The following PGCKA1 variants were observed in gnomAD, a reference collection of about 807,000 sequenced individuals.
The protein encoded by PGCKA1 is PDCD10 and GCKIII kinases-associated protein 1.
the PGCKA1 span, among the ~76,000 whole-genome samples, chr4:37,566,559 G>A: frequency 6.6e-6 from 1 of 151,402 alleles, no homozygotes; most frequent in African/African-American, 2.4e-5. Flanking sequence ...GGGCTTATAG[G>A]CACCCAAAAT....
At chr4:37,516,638 T>G in the PGCKA1 span, among the ~76,000 whole-genome samples, 1 of 152,192 alleles carries the variant, frequency 6.6e-6, no homozygotes, top group Non-Finnish European at 1.5e-5. Flanking sequence ...CTCAAATAGC[T>G]TTCTCTTGAC....
At chr4:37,511,707 G>C in the PGCKA1 span, among the ~76,000 whole-genome samples, 1 of 152,182 alleles carries the variant, frequency 6.6e-6, no homozygotes, top group African/African-American at 2.4e-5. Context: ...AGCCACCCTG[G>C]CTAGTGTCTA....
At chr4:37,528,559 G>A in the PGCKA1 span, among the ~76,000 whole-genome samples, 1 of 152,156 alleles carries the variant, frequency 6.6e-6, no homozygotes, top group Non-Finnish European at 1.5e-5. Context: ...TAAGTCTGAT[G>A]AGGACAAACG....
chr4:37,518,450 T>G, the PGCKA1 span, among the ~76,000 whole-genome samples: 86,131 of 152,026 alleles, frequency 0.57, 25,188 homozygotes, highest in African/African-American at 0.69. Flanking sequence ...CCTGTCTTTT[T>G]TATACAAGCC....
At chr4:37,505,165 C>T in the PGCKA1 span, among the ~76,000 whole-genome samples, 1 of 152,128 alleles carries the variant, frequency 6.6e-6, no homozygotes. Context: ...TTTTTGGCAC[C>T]AATTGAAATG....
the PGCKA1 span, among the ~76,000 whole-genome samples, chr4:37,526,504 C>T: frequency 2.6e-5 from 4 of 152,116 alleles, no homozygotes; most frequent in Non-Finnish European, 4.4e-5. Flanking sequence ...CAGCTTTGTT[C>T]TAACAATTAT....
At chr4:37,582,629 G>A in the PGCKA1 span, among the ~76,000 whole-genome samples, 2 of 152,208 alleles carry the variant, frequency 1.3e-5, no homozygotes, top group Admixed American at 6.5e-5. Context: ...ACTATCCCTC[G>A]TTGTTTCAAC....
chr4:37,525,553 C>T, the PGCKA1 span, among the ~76,000 whole-genome samples: 867 of 152,310 alleles, frequency 5.7e-3, 6 homozygotes, highest in Middle Eastern at 0.01. Flanking sequence ...TGTAAACATT[C>T]ATGAAGTCTC....
chr4:37,508,693 G>GTTTTTTTTTTTTTTTT, the PGCKA1 span, among the ~76,000 whole-genome samples: 123 of 52,840 alleles, frequency 2.3e-3, no homozygotes, highest in East Asian at 5.3e-3. Context: ...CTTTTTTTTA[G>GTTTTTTTTTTTTTTTT]TATTTATTGA....
chr4:37,500,071 C>T, the PGCKA1 span, among the ~76,000 whole-genome samples: 2 of 151,784 alleles, frequency 1.3e-5, no homozygotes, highest in African/African-American at 4.8e-5. Context: ...TATAGGCGCC[C>T]GCCACCATGC....
the PGCKA1 span, among the ~76,000 whole-genome samples, chr4:37,563,208 G>T: frequency 2.0e-5 from 3 of 152,086 alleles, no homozygotes; most frequent in Non-Finnish European, 2.9e-5. Context: ...CTCTGCTAAG[G>T]CTACCATAAC....
At chr4:37,535,443 T>C in the PGCKA1 span, among the ~76,000 whole-genome samples, 3 of 152,124 alleles carry the variant, frequency 2.0e-5, no homozygotes, top group Non-Finnish European at 4.4e-5. Context: ...GCCCACAATT[T>C]GGGGCCATTT....
chr4:37,472,988 A>G, the PGCKA1 span, among the ~76,000 whole-genome samples: 1 of 152,356 alleles, frequency 6.6e-6, no homozygotes, highest in East Asian at 1.9e-4. Flanking sequence ...GGAAGGTTAC[A>G]GAATCAAAGA....
the PGCKA1 span, among the ~76,000 whole-genome samples, chr4:37,589,733 G>A: frequency 2.0e-5 from 3 of 152,274 alleles, no homozygotes; most frequent in African/African-American, 7.2e-5. Flanking sequence ...CCAGGTTCAA[G>A]CGATTCTCCT....
chr4:37,460,173 T>C, the PGCKA1 span, among the ~76,000 whole-genome samples: 1 of 152,236 alleles, frequency 6.6e-6, no homozygotes, highest in Non-Finnish European at 1.5e-5. Context: ...ATCATGCTTC[T>C]TTTTTATGGC....
At chr4:37,479,272 T>C in the PGCKA1 span, among the ~76,000 whole-genome samples, 3 of 152,350 alleles carry the variant, frequency 2.0e-5, no homozygotes, top group Admixed American at 1.3e-4. Flanking sequence ...ATTCAGCTTT[T>C]CAGATGGGTT....
the PGCKA1 span, among the ~76,000 whole-genome samples, chr4:37,455,114 CATTT>C: frequency 1.1e-4 from 17 of 152,236 alleles, no homozygotes; most frequent in East Asian, 2.9e-3. Flanking sequence ...AGAAGAGAAG[CATTT>C]GAGAGTTGAA....
the PGCKA1 span, among the ~76,000 whole-genome samples, chr4:37,497,129 T>TA: frequency 6.6e-6 from 1 of 152,166 alleles, no homozygotes; most frequent in African/African-American, 2.4e-5. Flanking sequence ...GTATCATTCT[T>TA]ATGCCTTTGG....
At chr4:37,551,307 T>C in the PGCKA1 span, among the ~76,000 whole-genome samples, 2 of 152,106 alleles carry the variant, frequency 1.3e-5, no homozygotes, top group Non-Finnish European at 2.9e-5. Context: ...AGCGTAGCCA[T>C]AGGTAATTAA....
Sources: gnomAD v4.1 joint callset for allele counts (sites outside exome capture counted in the v4.1 genomes callset) on GRCh38, gnomAD v4.1.1 for gene constraint, MANE v1.5 for transcripts, NCBI Gene and HGNC (gene_info 2026-07-23, HGNC 2026-07-21) for gene names.